KIAA0825: variants seen among roughly 807,000 people sequenced by gnomAD.
The protein encoded by KIAA0825 is KIAA0825.
KIAA0825 carries 119 observed loss-of-function variants against 147.6 expected under a neutral mutation model. That is an observed-to-expected ratio of 0.81 (90% CI 0.69 to 0.94). The LOEUF (loss-of-function observed/expected upper bound fraction) is 0.94. Among genes scored for constraint, KIAA0825 ranks in the 40% least tolerant of loss-of-function variants. KIAA0825 has a pLI of 0.00. For missense variants in KIAA0825, 1,381 were observed against 1,472.7 expected (o/e 0.94, Z 1.02); for synonymous variants, 470 against 518.1 (o/e 0.91, Z 1.26).
intron 20 of KIAA0825, among the ~76,000 whole-genome samples, chr5:94,271,081 G>T (rs764829739): frequency 7.9e-5 from 12 of 152,030 alleles, no homozygotes; most frequent in Non-Finnish European, 1.3e-4. Flanking sequence ...ATTTGAAAAG[G>T]TATAATTTGA....
chr5:94,241,319 A>T (rs1775332850), intron 20 of KIAA0825, among the ~76,000 whole-genome samples: 1 of 152,248 alleles, frequency 6.6e-6, no homozygotes, highest in Non-Finnish European at 1.5e-5. Flanking sequence ...CAAGAATTTC[A>T]TCTTAGATGC....
intron 20 of KIAA0825, among the ~76,000 whole-genome samples, chr5:94,377,480 G>A (rs1747750855): frequency 6.6e-6 from 1 of 152,178 alleles, no homozygotes; most frequent in Admixed American, 6.5e-5. Context: ...GGAAGGGAGA[G>A]CTCCTTTTGG....
At chr5:94,562,671 C>T (rs1240829542) in intron 2 of KIAA0825, among the ~76,000 whole-genome samples, 2 of 152,198 alleles carry the variant, frequency 1.3e-5, no homozygotes, top group Admixed American at 6.5e-5. Flanking sequence ...GTTAAGCATG[C>T]ATTTTAATTT....
At chr5:94,186,772 G>A (rs535831266) in intron 20 of KIAA0825, among the ~76,000 whole-genome samples, 1 of 152,308 alleles carries the variant, frequency 6.6e-6, no homozygotes, top group African/African-American at 2.4e-5. Context: ...GTAAGAGCAG[G>A]AGCTACCAGA....
intron 20 of KIAA0825, among the ~76,000 whole-genome samples, chr5:94,268,784 G>A (rs1485591480): frequency 1.3e-5 from 2 of 152,092 alleles, no homozygotes; most frequent in African/African-American, 4.8e-5. Context: ...TTCTCTGAGA[G>A]TTCCTCCTAA....
chr5:94,546,248 G>T (rs1774330102), intron 2 of KIAA0825, among the ~76,000 whole-genome samples: 1 of 152,152 alleles, frequency 6.6e-6, no homozygotes, highest in Admixed American at 6.5e-5. Context: ...CCAATCCCTG[G>T]CTCCAAGACA....
intron 20 of KIAA0825, among the ~76,000 whole-genome samples, chr5:94,351,702 A>G (rs1364398685): frequency 6.6e-6 from 1 of 152,230 alleles, no homozygotes; most frequent in African/African-American, 2.4e-5. Flanking sequence ...CTAGAAGGCC[A>G]TAGTCATCAA....
At position 94,384,548 on chromosome 5, in the gene KIAA0825, A is replaced by G. The variant is rs1006629172; in HGVS notation, c.3620-90T>C. On this transcript the variant is annotated intron_variant, in intron 19 of 20. Coordinates refer to ENST00000682413, the MANE Select transcript of KIAA0825 (RefSeq NM_001145678.3). ...ATTAAAGCTCCAGCTGTGATAGACT[A>G]ACTAAGAAGGAGGGGGGTCCAGAAC... 33 of 1,015,590 alleles carry G rather than the reference A, an allele frequency of 3.2e-5. No homozygotes were observed. The African/African-American group carries it at 5.0e-4, about 15-fold the overall frequency. 62.9% of individuals were successfully genotyped at this position (1,015,590 alleles called of 1,614,324 possible). A position where few individuals can be genotyped will look rare whatever the true frequency, so the allele number is the denominator to read the frequency against.
At position 94,464,920 on chromosome 5, in the gene KIAA0825, G is replaced by A. The variant is rs1455750752; in HGVS notation, c.2012C>T (p.Ala671Val). 2 of 1,551,490 alleles carry A rather than the reference G, an allele frequency of 1.3e-6. No individual in the cohort carries two copies. The highest frequency in any genetic ancestry group is 1.4e-5 in the African/African-American group (1 of 72,998). The change falls in exon 11 of 21, where the codon GCC becomes GTC. Residue 671 changes from alanine (A) to valine (V), a missense_variant. Transcript: ENST00000682413. The part of the protein sequence containing the change: ...EVLEKSLSLL[A>V]SRYARAHPSR... ...GGGGTGGGCCCGAGCGTATCTGGAGGCCAGTAGACTCAAAGATTTCTCCAG... is the reference window on the plus strand; with the variant it reads ...GGGGTGGGCCCGAGCGTATCTGGAGACCAGTAGACTCAAAGATTTCTCCAG...
At chr5:94,298,618 T>G (rs758603355) in intron 20 of KIAA0825, among the ~76,000 whole-genome samples, 10 of 152,246 alleles carry the variant, frequency 6.6e-5, no homozygotes, top group Non-Finnish European at 1.0e-4. Context: ...TTCATTTTGT[T>G]ACTGCTTTTT....
intron 5 of KIAA0825, among the ~76,000 whole-genome samples, chr5:94,495,574 G>A (rs1205284844): frequency 6.6e-6 from 1 of 152,186 alleles, no homozygotes; most frequent in East Asian, 1.9e-4. Context: ...GCAGAGTGGG[G>A]TGACTAAGGA....
chr5:94,608,353 C>G (rs1448388737), intron 1 of KIAA0825, among the ~76,000 whole-genome samples: 1 of 128,720 alleles, frequency 7.8e-6, no homozygotes, highest in African/African-American at 3.0e-5. Flanking sequence ...CCTCTACCTC[C>G]CAAGTTCAAG....
intron 20 of KIAA0825, among the ~76,000 whole-genome samples, chr5:94,320,865 C>G (rs1011142875): frequency 6.6e-6 from 1 of 151,938 alleles, no homozygotes; most frequent in Admixed American, 6.6e-5. Flanking sequence ...ATACTTTGCA[C>G]AATTTTTTTG....
At chr5:94,556,169 C>G (rs1275856063) in intron 2 of KIAA0825, among the ~76,000 whole-genome samples, 1 of 152,034 alleles carries the variant, frequency 6.6e-6, no homozygotes, top group African/African-American at 2.4e-5. Context: ...TCTCCTGCCT[C>G]AGCCTCCCTA....
chr5:94,184,674 A>G (rs1769963694), intron 20 of KIAA0825, among the ~76,000 whole-genome samples: 2 of 152,228 alleles, frequency 1.3e-5, no homozygotes, highest in Admixed American at 1.3e-4. Context: ...ATTTTAAAGA[A>G]GATTAAACTT....
intron 6 of KIAA0825, among the ~76,000 whole-genome samples, chr5:94,479,449 A>G (rs866965980): frequency 2.6e-5 from 4 of 152,230 alleles, no homozygotes; most frequent in Middle Eastern, 3.4e-3. Flanking sequence ...TTATCGATGA[A>G]TAATATTCCA....
chr5:94,323,870 C>G (rs1159276825), intron 20 of KIAA0825, among the ~76,000 whole-genome samples: 1 of 151,894 alleles, frequency 6.6e-6, no homozygotes, highest in African/African-American at 2.4e-5. Flanking sequence ...ATACCACCAC[C>G]ATGCTAACAA....
intron 20 of KIAA0825, among the ~76,000 whole-genome samples, chr5:94,225,351 T>C (rs1032678916): frequency 2.6e-5 from 4 of 152,242 alleles, no homozygotes; most frequent in African/African-American, 9.6e-5. Flanking sequence ...ATTGAAATTA[T>C]TGCTAAAATA....
intron 20 of KIAA0825, among the ~76,000 whole-genome samples, chr5:94,205,268 C>CATATGTATATATATATATAT (rs775988902): frequency 1.1e-5 from 1 of 90,308 alleles, no homozygotes; most frequent in African/African-American, 4.5e-5. Context: ...ACTATTTAAT[C>CATATGTATATATATATATAT]ATATATATAT....
Sources: allele counts gnomAD v4.1 joint callset (sites outside exome capture counted in the v4.1 genomes callset), GRCh38; gene constraint gnomAD v4.1.1; transcripts MANE v1.5; gene names NCBI Gene and HGNC (gene_info 2026-07-23, HGNC 2026-07-21).